FARS2: variants seen among roughly 807,000 people sequenced by gnomAD.
The protein encoded by FARS2 is phenylalanyl-tRNA synthetase 2, mitochondrial.
In FARS2, 40 loss-of-function variants were observed where a neutral mutation model predicts 46.4. The ratio of observed to expected loss-of-function variants is 0.86; its 90% CI spans 0.67 to 1.12. FARS2 has a LOEUF of 1.12. Ranked by LOEUF, FARS2 falls within the 50% of genes most tolerant of loss-of-function variation. The pLI is 0.00. For missense variants in FARS2, 513 were observed against 567.9 expected (o/e 0.90, Z 0.98); for synonymous variants, 234 against 214.9 (o/e 1.09, Z -0.78).
intron 1 of FARS2, among the ~76,000 whole-genome samples, chr6:5,367,146 A>G (rs973341929): frequency 6.6e-6 from 1 of 152,226 alleles, no homozygotes; most frequent in Non-Finnish European, 1.5e-5. Context: ...CTCAGTTCCA[A>G]TTTGGAGTCA....
chr6:5,592,117 G>C (rs1475012607), intron 5 of FARS2, among the ~76,000 whole-genome samples: 5 of 152,186 alleles, frequency 3.3e-5, no homozygotes, highest in African/African-American at 1.2e-4. Flanking sequence ...GAGCGCGGTG[G>C]CTCACGCCTG....
At chr6:5,381,795 A>G (rs1289369063) in intron 2 of FARS2, among the ~76,000 whole-genome samples, 1 of 152,206 alleles carries the variant, frequency 6.6e-6, no homozygotes, top group Non-Finnish European at 1.5e-5. Context: ...ATGATTGGAG[A>G]TTGAGAACCA....
Position 5,427,086 on chromosome 6 carries a change from T to A in FARS2, c.773-3955T>A, listed in dbSNP as rs1762896393. Among the ~76,000 whole-genome samples, 2 of 152,242 alleles carry A rather than the reference T, an allele frequency of 1.3e-5. 1 individual carries two copies. Among genetic ancestry groups the A allele is most frequent in the South Asian group, 4.1e-4 (2 of 4,832 alleles). ...GTGCTTTGCAAATTTTGGCCTTTTT[T>A]ATTTTTAGTTGACACATCATTGTAC... On this transcript the variant is annotated intron_variant, in intron 3 of 6. Coordinates refer to ENST00000274680, the MANE Select transcript of FARS2 (RefSeq NM_006567.5).
chr6:5,406,309 C>G (rs570725534), intron 3 of FARS2, among the ~76,000 whole-genome samples: 15 of 152,292 alleles, frequency 9.8e-5, no homozygotes, highest in African/African-American at 3.6e-4. Context: ...CACGAACATA[C>G]TCGCACAGTC....
At chr6:5,637,065 G>T (rs1396140935) in intron 6 of FARS2, among the ~76,000 whole-genome samples, 2 of 152,218 alleles carry the variant, frequency 1.3e-5, no homozygotes, top group Admixed American at 6.5e-5. Flanking sequence ...TTAGGCAAGA[G>T]CATAGGAAGA....
At chr6:5,646,574 A>G (rs915352435) in intron 6 of FARS2, among the ~76,000 whole-genome samples, 7 of 152,192 alleles carry the variant, frequency 4.6e-5, no homozygotes, top group African/African-American at 7.2e-5. Context: ...CGCTATAACT[A>G]CAGTTGGACT....
intron 5 of FARS2, among the ~76,000 whole-genome samples, chr6:5,562,180 A>G (rs1772023507): frequency 6.6e-6 from 1 of 152,042 alleles, no homozygotes. Context: ...TCAAAGTCTG[A>G]CTTTGCAAGC....
intron 1 of FARS2, among the ~76,000 whole-genome samples, chr6:5,359,687 T>G (rs975630835): frequency 1.3e-5 from 2 of 152,244 alleles, no homozygotes; most frequent in Non-Finnish European, 2.9e-5. Context: ...TGCCAAACTC[T>G]TACTGATGGT....
chr6:5,383,084 T>TA (rs1335407139), intron 2 of FARS2, among the ~76,000 whole-genome samples: 1 of 152,200 alleles, frequency 6.6e-6, no homozygotes, highest in African/African-American at 2.4e-5. Context: ...TTTAATGAAA[T>TA]ATCTGGGCAC....
At chr6:5,363,801 T>G (rs1435096912) in intron 1 of FARS2, among the ~76,000 whole-genome samples, 1 of 152,200 alleles carries the variant, frequency 6.6e-6, no homozygotes, top group Non-Finnish European at 1.5e-5. Flanking sequence ...TATGATAAGT[T>G]CCAAGTATTC....
chr6:5,415,447 G>A (rs1203877840), intron 3 of FARS2, among the ~76,000 whole-genome samples: 1 of 149,542 alleles, frequency 6.7e-6, no homozygotes, highest in African/African-American at 2.5e-5. Flanking sequence ...CTCCCAAGTA[G>A]CTGGGATTAC....
chr6:5,342,993 G>A (rs1488792839), intron 1 of FARS2, among the ~76,000 whole-genome samples: 2 of 152,064 alleles, frequency 1.3e-5, no homozygotes, highest in Non-Finnish European at 2.9e-5. Flanking sequence ...CTACAGGCCC[G>A]TCATCGACAG....
intron 5 of FARS2, among the ~76,000 whole-genome samples, chr6:5,593,542 C>T (rs181817184): frequency 7.0e-4 from 106 of 152,302 alleles, no homozygotes; most frequent in African/African-American, 2.2e-3. Flanking sequence ...CTGTGGACAA[C>T]TCTGCCAAAA....
intron 4 of FARS2, among the ~76,000 whole-genome samples, chr6:5,539,853 C>T (rs1770509227): frequency 6.6e-6 from 1 of 152,100 alleles, no homozygotes; most frequent in East Asian, 1.9e-4. Context: ...ACAGGACAGC[C>T]CAGCCTCCCC....
intron 6 of FARS2, among the ~76,000 whole-genome samples, chr6:5,702,045 A>G (rs367564459): frequency 6.6e-6 from 1 of 152,318 alleles, no homozygotes; most frequent in Admixed American, 6.5e-5. Flanking sequence ...AACTTTGTCA[A>G]GCCTTTCTCT....
intron 4 of FARS2, among the ~76,000 whole-genome samples, chr6:5,534,357 G>A (rs2150466525): frequency 6.6e-6 from 1 of 152,218 alleles, no homozygotes; most frequent in East Asian, 1.9e-4. Context: ...ACAGTGTTGT[G>A]CAACCATCAC....
chr6:5,462,680 A>G (rs899044955), intron 4 of FARS2, among the ~76,000 whole-genome samples: 19 of 152,180 alleles, frequency 1.2e-4, no homozygotes, highest in Non-Finnish European at 2.2e-4. Flanking sequence ...TTTGTTGAAA[A>G]TCTGTATATA....
At chr6:5,252,699 T>C in the FARS2 span, among the ~76,000 whole-genome samples, 3 of 152,212 alleles carry the variant, frequency 2.0e-5, no homozygotes, top group Non-Finnish European at 4.4e-5. Context: ...TTTTGGTCAA[T>C]GAGCAAAAGC....
chr6:5,763,303 T>C (rs1762585935), intron 6 of FARS2, among the ~76,000 whole-genome samples: 1 of 152,004 alleles, frequency 6.6e-6, no homozygotes, highest in Non-Finnish European at 1.5e-5. Context: ...AATCAAAAAA[T>C]TAACTAGATG....
Sources: allele counts gnomAD v4.1 joint callset (sites outside exome capture counted in the v4.1 genomes callset), GRCh38; gene constraint gnomAD v4.1.1; transcripts MANE v1.5; gene names NCBI Gene and HGNC (gene_info 2026-07-23, HGNC 2026-07-21).